SNTG1: variants seen among roughly 807,000 people sequenced by gnomAD.
The protein encoded by SNTG1 is syntrophin gamma 1, also known as gamma-1-syntrophin.
SNTG1 carries 39 observed loss-of-function variants against 74.7 expected under a neutral mutation model. That is an observed-to-expected ratio of 0.52 (90% CI 0.40 to 0.68). The LOEUF (loss-of-function observed/expected upper bound fraction) is 0.68, where lower values mean the gene tolerates loss of function less well. Ranked by LOEUF, SNTG1 falls within the 30% of genes least tolerant of loss-of-function variation. SNTG1 has a pLI of 0.00. For missense variants in SNTG1, 685 were observed against 609.5 expected (o/e 1.12, Z -1.30); for synonymous variants, 254 against 217.1 (o/e 1.17, Z -1.49).
intron 2 of SNTG1, among the ~76,000 whole-genome samples, chr8:50,333,801 C>T (rs527985031): frequency 1.3e-5 from 2 of 152,004 alleles, no homozygotes; most frequent in South Asian, 2.1e-4. Context: ...GGAATCAAAT[C>T]CTCCAGAAAA....
chr8:50,082,722 T>A (rs1822525160), intron 1 of SNTG1, among the ~76,000 whole-genome samples: 1 of 152,142 alleles, frequency 6.6e-6, no homozygotes, highest in Non-Finnish European at 1.5e-5. Context: ...CTTTCATGCC[T>A]CCTCCACACA....
intron 15 of SNTG1, among the ~76,000 whole-genome samples, chr8:50,668,930 G>C (rs1012957297): frequency 6.6e-6 from 1 of 151,986 alleles, no homozygotes; most frequent in Non-Finnish European, 1.5e-5. Flanking sequence ...AAATAGTGCT[G>C]CAGTAAACAT....
intron 2 of SNTG1, among the ~76,000 whole-genome samples, chr8:50,356,883 G>A (rs768698879): frequency 5.9e-5 from 9 of 152,208 alleles, no homozygotes; most frequent in African/African-American, 1.2e-4. Flanking sequence ...ATTGTACAGT[G>A]CTGGACTCAC....
intron 17 of SNTG1, among the ~76,000 whole-genome samples, chr8:50,741,232 C>A (rs2095542572): frequency 1.3e-5 from 2 of 152,030 alleles, no homozygotes; most frequent in African/African-American, 2.4e-5. Flanking sequence ...TCAAGCAATT[C>A]TTCTTCCTCA....
At chr8:50,517,154 GA>G (rs2094140272) in intron 9 of SNTG1, among the ~76,000 whole-genome samples, 1 of 152,118 alleles carries the variant, frequency 6.6e-6, no homozygotes, top group Non-Finnish European at 1.5e-5. Context: ...CATTCTTAAA[GA>G]AAAGAATTTT....
chr8:50,745,644 T>C (rs1486000481), intron 17 of SNTG1, among the ~76,000 whole-genome samples: 2 of 151,952 alleles, frequency 1.3e-5, no homozygotes, highest in African/African-American at 4.8e-5. Context: ...TGACAAATGG[T>C]GAATGCAACT....
intron 2 of SNTG1, among the ~76,000 whole-genome samples, chr8:50,253,957 A>T (rs1047168977): frequency 6.6e-6 from 1 of 152,252 alleles, no homozygotes; most frequent in African/African-American, 2.4e-5. Flanking sequence ...GATAATTACA[A>T]GGAATAGGTT....
intron 1 of SNTG1, among the ~76,000 whole-genome samples, chr8:50,036,526 C>CT: frequency 6.6e-6 from 1 of 152,316 alleles, no homozygotes; most frequent in Non-Finnish European, 1.5e-5. Flanking sequence ...TTACTGCACT[C>CT]TATCATCCCA....
chr8:50,488,849 A>G (rs2093823201), intron 8 of SNTG1, among the ~76,000 whole-genome samples: 2 of 152,202 alleles, frequency 1.3e-5, no homozygotes, highest in African/African-American at 4.8e-5. Context: ...ACATAAGTAT[A>G]AACGTGCCAT....
At chr8:50,660,409 GAAAAGAAAGAAAGAAAGAA>G (rs1563708498) in intron 15 of SNTG1, among the ~76,000 whole-genome samples, 2 of 71,338 alleles carry the variant, frequency 2.8e-5, no homozygotes, top group South Asian at 3.9e-4. Flanking sequence ...GAGAAAGAAA[GAAAAGAAAGAAAGAAAGAA>G]GAAAGAAAGA....
intron 2 of SNTG1, among the ~76,000 whole-genome samples, chr8:50,300,018 A>G (rs2089575865): frequency 6.6e-6 from 1 of 152,142 alleles, no homozygotes; most frequent in Non-Finnish European, 1.5e-5. Flanking sequence ...CAATTATTAT[A>G]GCACTTATAA....
chr8:50,192,596 G>A (rs1320286425), intron 2 of SNTG1, among the ~76,000 whole-genome samples: 1 of 152,004 alleles, frequency 6.6e-6, no homozygotes. Flanking sequence ...CTCCCACTCT[G>A]TGGGTTGTCT....
chr8:50,308,807 C>T (rs559031428), intron 2 of SNTG1, among the ~76,000 whole-genome samples: 40 of 152,234 alleles, frequency 2.6e-4, no homozygotes, highest in African/African-American at 6.3e-4. Context: ...AAGTCAGAAA[C>T]GCTATTTAGA....
chr8:50,245,802 T>C (rs1196063690), intron 2 of SNTG1, among the ~76,000 whole-genome samples: 3 of 152,174 alleles, frequency 2.0e-5, no homozygotes, highest in Non-Finnish European at 4.4e-5. Context: ...CTTTCTTATA[T>C]GTCAGTCGTA....
At chr8:50,729,132 G>A (rs1204437081) in intron 17 of SNTG1, among the ~76,000 whole-genome samples, 1 of 152,180 alleles carries the variant, frequency 6.6e-6, no homozygotes, top group Non-Finnish European at 1.5e-5. Context: ...GCAGGTCCTA[G>A]GCTGGTGATG....
chr8:49,981,957 A>G (rs1812718539), intron 1 of SNTG1, among the ~76,000 whole-genome samples: 1 of 152,124 alleles, frequency 6.6e-6, no homozygotes, highest in African/African-American at 2.4e-5. Flanking sequence ...TGTGAATATT[A>G]TTAATTTTTT....
intron 2 of SNTG1, among the ~76,000 whole-genome samples, chr8:50,376,601 C>T (rs1045781372): frequency 1.1e-4 from 17 of 151,506 alleles, no homozygotes; most frequent in African/African-American, 3.9e-4. Context: ...CATACTGTGT[C>T]GTCCACTTTC....
At chr8:50,676,444 G>A (rs929021184) in intron 15 of SNTG1, among the ~76,000 whole-genome samples, 5 of 151,904 alleles carry the variant, frequency 3.3e-5, no homozygotes, top group African/African-American at 9.7e-5. Flanking sequence ...GCTTCACAAA[G>A]TTCTCGTGCT....
chr8:50,497,120 T>C (rs2093911576), intron 8 of SNTG1, among the ~76,000 whole-genome samples: 1 of 151,636 alleles, frequency 6.6e-6, no homozygotes, highest in African/African-American at 2.4e-5. Context: ...AAAAACTCAT[T>C]ATCTCTTTAG....
Sources: allele counts gnomAD v4.1 joint callset (sites outside exome capture counted in the v4.1 genomes callset), GRCh38; gene constraint gnomAD v4.1.1; transcripts MANE v1.5; gene names NCBI Gene and HGNC (gene_info 2026-07-23, HGNC 2026-07-21).